The following NKAIN2 variants were observed in gnomAD, a reference collection of about 807,000 sequenced individuals.
NKAIN2 encodes the protein sodium/potassium transporting ATPase interacting 2, also known as sodium/potassium-transporting ATPase subunit beta-1-interacting protein 2.
A neutral mutation model predicts 32.6 loss-of-function variants in NKAIN2; 14 were observed. The observed-to-expected ratio is 0.43, with a 90% CI of 0.28 to 0.67. The LOEUF is 0.67. NKAIN2 is among the 30% of genes least tolerant of loss of function. The pLI, the probability that NKAIN2 is intolerant of heterozygous loss-of-function variation, is 0.17. For missense variants in NKAIN2, 198 were observed against 258.3 expected, an observed-to-expected ratio of 0.77 and a Z score of 1.60; for synonymous variants, 80 against 87.2, an observed-to-expected ratio of 0.92 and a Z score of 0.46.
intron 1 of NKAIN2, among the ~76,000 whole-genome samples, chr6:124,084,473 A>G (rs1784107500): frequency 1.3e-5 from 2 of 151,990 alleles, no homozygotes; most frequent in South Asian, 4.1e-4. Context: ...TTGTATGTTC[A>G]TGTATGTTCA....
At chr6:123,952,577 T>TAA (rs1011146396) in intron 1 of NKAIN2, among the ~76,000 whole-genome samples, 1 of 152,174 alleles carries the variant, frequency 6.6e-6, no homozygotes, top group Admixed American at 6.5e-5. Context: ...TCATTCTTTT[T>TAA]AAAACATTCT....
intron 4 of NKAIN2, among the ~76,000 whole-genome samples, chr6:124,759,118 G>T (rs1285638722): frequency 6.6e-6 from 1 of 152,138 alleles, no homozygotes; most frequent in Non-Finnish European, 1.5e-5. Flanking sequence ...TAGCCCGAGA[G>T]AGTAAGCACT....
At chr6:124,557,259 T>C (rs1323665092) in intron 3 of NKAIN2, among the ~76,000 whole-genome samples, 1 of 152,136 alleles carries the variant, frequency 6.6e-6, no homozygotes, top group Non-Finnish European at 1.5e-5. Context: ...AAACAGTGTA[T>C]AGTGAAAATA....
At chr6:124,711,577 C>T (rs1239009087) in intron 4 of NKAIN2, among the ~76,000 whole-genome samples, 6 of 150,752 alleles carry the variant, frequency 4.0e-5, no homozygotes, top group Non-Finnish European at 8.9e-5. Context: ...TTTCATCTTC[C>T]ATTGCTGATA....
At chr6:123,901,807 TA>T (rs1239599128) in intron 1 of NKAIN2, among the ~76,000 whole-genome samples, 3 of 152,130 alleles carry the variant, frequency 2.0e-5, no homozygotes, top group African/African-American at 7.2e-5. Flanking sequence ...GTTTCCACAA[TA>T]AAATTAATTG....
intron 1 of NKAIN2, among the ~76,000 whole-genome samples, chr6:123,811,209 A>G (rs1379543111): frequency 6.6e-6 from 1 of 152,096 alleles, no homozygotes; most frequent in Non-Finnish European, 1.5e-5. Flanking sequence ...CCTATTTCTG[A>G]CTTTTAGCTT....
chr6:124,574,904 T>G (rs1017510963), intron 3 of NKAIN2, among the ~76,000 whole-genome samples: 4 of 152,226 alleles, frequency 2.6e-5, no homozygotes, highest in Non-Finnish European at 5.9e-5. Context: ...TAAGATGTAC[T>G]GGGTTATACA....
intron 2 of NKAIN2, among the ~76,000 whole-genome samples, chr6:124,303,213 A>T (rs1461732106): frequency 6.6e-6 from 1 of 152,258 alleles, no homozygotes; most frequent in Admixed American, 6.5e-5. Context: ...ATTAATTTTA[A>T]ATAGATTTTA....
intron 1 of NKAIN2, among the ~76,000 whole-genome samples, chr6:124,145,350 A>C (rs555303758): frequency 6.6e-6 from 1 of 152,336 alleles, no homozygotes; most frequent in East Asian, 1.9e-4. Context: ...TAATAGCCAA[A>C]AACTGAAATC....
At chr6:124,621,562 C>T (rs980103086) in intron 3 of NKAIN2, among the ~76,000 whole-genome samples, 1 of 152,180 alleles carries the variant, frequency 6.6e-6, no homozygotes, top group Non-Finnish European at 1.5e-5. Flanking sequence ...CTTTCTCAGA[C>T]TCTGGCCAAA....
At chr6:124,027,802 C>T (rs1781183563) in intron 1 of NKAIN2, among the ~76,000 whole-genome samples, 1 of 152,102 alleles carries the variant, frequency 6.6e-6, no homozygotes, top group South Asian at 2.1e-4. Flanking sequence ...TTTAACTAAT[C>T]TCCTACTTTC....
chr6:124,378,706 A>G (rs1800094944), intron 3 of NKAIN2, among the ~76,000 whole-genome samples: 1 of 152,062 alleles, frequency 6.6e-6, no homozygotes, highest in Non-Finnish European at 1.5e-5. Context: ...CAGCACTGGC[A>G]TCTTCCTGGA....
Position 124,092,032 on chromosome 6 carries a change from C to G in NKAIN2, c.55-190973C>G, listed in dbSNP as rs151300890. 1.9e-4 allele frequency among the ~76,000 whole-genome samples: 29 copies of G among 152,058 alleles called. No homozygotes were observed. The Middle Eastern group carries it at 0.01, about 54-fold the overall frequency. ...ACTTTGCTAACCTTAAGTTTCATTACCTTTTGCTTTTTACATAGTTTAATG... is the reference window on the plus strand; with the variant it reads ...ACTTTGCTAACCTTAAGTTTCATTAGCTTTTGCTTTTTACATAGTTTAATG... On this transcript the variant is annotated intron_variant, in intron 1 of 6. Transcript: ENST00000368417.
chr6:124,579,996 TCAAA>T (rs1169627894), intron 3 of NKAIN2, among the ~76,000 whole-genome samples: 1 of 152,160 alleles, frequency 6.6e-6, no homozygotes, highest in African/African-American at 2.4e-5. Context: ...AAAATATCCT[TCAAA>T]CACTCAACAG....
intron 1 of NKAIN2, among the ~76,000 whole-genome samples, chr6:124,127,324 C>A (rs1171248093): frequency 1.3e-5 from 2 of 152,098 alleles, no homozygotes; most frequent in East Asian, 3.9e-4. Context: ...GACTGACTAC[C>A]TAGTATAAAG....
chr6:123,954,846 C>G (rs577526934), intron 1 of NKAIN2, among the ~76,000 whole-genome samples: 1 of 152,020 alleles, frequency 6.6e-6, no homozygotes, highest in African/African-American at 2.4e-5. Context: ...AGGGGGTCAC[C>G]TTTCTGACTA....
Position 124,364,250 on chromosome 6 carries a change from A to AAAAAAAGAG in NKAIN2, c.273+8904_273+8905insAAAAAGAGA, listed in dbSNP as rs3054409. On this transcript the variant is annotated intron_variant, in intron 3 of 6. Transcript: ENST00000368417. ...GGTTAAAAATACCAAAAAAAAAAAA[A>AAAAAAAGAG]AGAGAGAAAAGAATGTCAAAAACAT... Among the ~76,000 whole-genome samples, 1,195 of 139,706 alleles carry AAAAAAAGAG rather than the reference A, an allele frequency of 8.6e-3. 22 individuals carry two copies. The highest frequency in any genetic ancestry group is 0.03 in the African/African-American group (1,138 of 37,408). 91.7% of individuals were successfully genotyped at this position (139,706 alleles called of 152,430 possible).
At chr6:124,024,424 GCA>G (rs1243650156) in intron 1 of NKAIN2, among the ~76,000 whole-genome samples, 7 of 152,084 alleles carry the variant, frequency 4.6e-5, no homozygotes, top group Non-Finnish European at 1.0e-4. Context: ...CTGCTAAGTT[GCA>G]CAGTCAAAAC....
chr6:124,226,646 G>A (rs938104021), intron 1 of NKAIN2, among the ~76,000 whole-genome samples: 5 of 151,798 alleles, frequency 3.3e-5, no homozygotes, highest in African/African-American at 1.2e-4. Context: ...TTTTGACTTG[G>A]AAGTGCTCCC....
Sources: gnomAD v4.1 joint callset for allele counts (sites outside exome capture counted in the v4.1 genomes callset) on GRCh38, gnomAD v4.1.1 for gene constraint, MANE v1.5 for transcripts, NCBI Gene and HGNC (gene_info 2026-07-23, HGNC 2026-07-21) for gene names.